Variants in ZBTB8OS observed in about 807,000 individuals in gnomAD.
ZBTB8OS encodes tRNA-splicing ligase-activating factor archease.
A neutral mutation model predicts 29.3 loss-of-function variants in ZBTB8OS; 16 were observed. That is an observed-to-expected ratio of 0.55 (90% CI 0.37 to 0.83). ZBTB8OS has a LOEUF of 0.83. ZBTB8OS is among the 40% of genes least tolerant of loss of function. The pLI is 0.00. For synonymous variants in ZBTB8OS, 70 were observed against 64.6 expected, an observed-to-expected ratio of 1.08 and a Z score of -0.40; for missense variants, 160 against 196.9, an observed-to-expected ratio of 0.81 and a Z score of 1.12.
chr1:32,647,453 GAAAA>G (rs1646943061), intron 1 of ZBTB8OS, among the ~76,000 whole-genome samples: 1 of 137,422 alleles, frequency 7.3e-6, no homozygotes, highest in Non-Finnish European at 1.6e-5. Context: ...AAAAAAAAAA[GAAAA>G]GAAAGAAAGG....
chr1:32,628,867 C>T (rs1290949464), intron 5 of ZBTB8OS, among the ~76,000 whole-genome samples: 2 of 151,360 alleles, frequency 1.3e-5, no homozygotes, highest in East Asian at 1.9e-4. Context: ...ATCTGGGAGG[C>T]GGACATTGCA....
chr1:32,649,550 AAACC>A (rs1345097189), intron 1 of ZBTB8OS, among the ~76,000 whole-genome samples: 4 of 152,024 alleles, frequency 2.6e-5, no homozygotes, highest in African/African-American at 9.7e-5. Flanking sequence ...ATAAATGGCA[AAACC>A]AGCTGGGCAC....
At chr1:32,622,052 T>C in intron 6 of ZBTB8OS, 104 bp from the exon 7 acceptor site, 1 of 807,636 alleles carries the variant, frequency 1.2e-6, no homozygotes, top group Non-Finnish European at 1.9e-6. Flanking sequence ...AATTTTAGTA[T>C]TTTGAAAATG....
Position 32,634,754 on chromosome 1 carries a change from C to T in ZBTB8OS, c.122+14G>A. The T allele has an allele frequency of 1.9e-6, 3 of 1,613,994 alleles. No homozygotes were observed. In the South Asian group the frequency reaches 3.3e-5, roughly 18 times the overall value. The stretch of plus-strand genomic sequence containing the variant: ...TGACGTGGTTTCAAAGGAATGAACT[C>T]CCGCTATACTCACTGGACATCTGCT... On this transcript the variant is annotated intron_variant, in intron 2 of 6. Transcript: ENST00000468695.
intron 2 of ZBTB8OS, chr1:32,634,555 G>A (rs1041925336): frequency 3.4e-6 from 2 of 583,708 alleles, no homozygotes; most frequent in Admixed American, 2.9e-5. Context: ...TTTGAGATGG[G>A]GTCTCTCTGT....
chr1:32,644,437 G>A (rs992322417), intron 1 of ZBTB8OS, among the ~76,000 whole-genome samples: 3 of 151,642 alleles, frequency 2.0e-5, no homozygotes, highest in Admixed American at 1.3e-4. Context: ...TAAAAACAGA[G>A]TTAGTAAATA....
At chr1:32,641,742 T>G in intron 1 of ZBTB8OS, among the ~76,000 whole-genome samples, 2 of 147,104 alleles carry the variant, frequency 1.4e-5, no homozygotes, top group African/African-American at 2.5e-5. Flanking sequence ...TGAAACCCCG[T>G]CTCTACTAAA....
intron 1 of ZBTB8OS, among the ~76,000 whole-genome samples, chr1:32,645,635 AG>A (rs1001638304): frequency 6.6e-6 from 1 of 152,142 alleles, no homozygotes; most frequent in African/African-American, 2.4e-5. Flanking sequence ...TAGCTCCAAA[AG>A]ATAGAGCCCA....
chr1:32,630,758 C>T (rs186831996), intron 5 of ZBTB8OS, among the ~76,000 whole-genome samples: 1 of 152,038 alleles, frequency 6.6e-6, no homozygotes, highest in East Asian at 1.9e-4. Context: ...AGCCTGTAAT[C>T]TCGACACTTT....
intron 2 of ZBTB8OS, chr1:32,634,504 C>T (rs1271295517): frequency 9.5e-6 from 5 of 528,388 alleles, no homozygotes; most frequent in Admixed American, 3.1e-5. Flanking sequence ...GGATTACAGG[C>T]GTTGAGCCAC....
chr1:32,640,660 C>T (rs1646322746), intron 1 of ZBTB8OS, among the ~76,000 whole-genome samples: 1 of 152,030 alleles, frequency 6.6e-6, no homozygotes, highest in African/African-American at 2.4e-5. Context: ...GGACTACAGA[C>T]ACGCACCACC....
intron 2 of ZBTB8OS, 165 bp downstream of exon 2, chr1:32,634,603 C>T: frequency 1.3e-6 from 1 of 786,320 alleles, no homozygotes; most frequent in South Asian, 1.6e-5. Flanking sequence ...TCTCGGCTCA[C>T]TGAGCCACTG....
intron 1 of ZBTB8OS, among the ~76,000 whole-genome samples, chr1:32,637,776 T>C (rs1646094632): frequency 6.6e-6 from 1 of 152,176 alleles, no homozygotes; most frequent in African/African-American, 2.4e-5. Flanking sequence ...TATGCATCTG[T>C]TTATAAAAAC....
At chr1:32,629,576 C>G (rs151028185) in intron 5 of ZBTB8OS, among the ~76,000 whole-genome samples, 1 of 152,146 alleles carries the variant, frequency 6.6e-6, no homozygotes, top group East Asian at 1.9e-4. Context: ...CCAAAAATAT[C>G]CATGATCTGT....
chr1:32,646,071 G>A (rs1015643639), intron 1 of ZBTB8OS, among the ~76,000 whole-genome samples: 2 of 152,138 alleles, frequency 1.3e-5, no homozygotes, highest in Non-Finnish European at 2.9e-5. Context: ...TGTACTCCCA[G>A]CACTTTGGCA....
intron 1 of ZBTB8OS, among the ~76,000 whole-genome samples, chr1:32,645,909 C>T (rs980231084): frequency 1.3e-5 from 2 of 152,144 alleles, no homozygotes; most frequent in African/African-American, 4.8e-5. Context: ...TAGGGAACCC[C>T]AGGAATACAG....
chr1:32,631,975 C>T, intron 4 of ZBTB8OS, 96 bp from the exon 5 acceptor site: 3 of 243,294 alleles, frequency 1.2e-5, no homozygotes, highest in Non-Finnish European at 2.5e-5. Context: ...GGACCATCTA[C>T]TAAAAATTGG....
At chr1:32,640,124 T>C (rs1295490932) in intron 1 of ZBTB8OS, 1 of 152,100 alleles carries the variant, frequency 6.6e-6, no homozygotes, top group Non-Finnish European at 1.5e-5. Flanking sequence ...TTTGAGACAG[T>C]CTTGCTCTGT....
intron 5 of ZBTB8OS, among the ~76,000 whole-genome samples, chr1:32,631,566 C>G (rs1247336895): frequency 6.6e-6 from 1 of 152,114 alleles, no homozygotes; most frequent in African/African-American, 2.4e-5. Context: ...TGTTTCCCAT[C>G]CACTAAGCTG....
Sources: gnomAD v4.1 joint callset for allele counts (sites outside exome capture counted in the v4.1 genomes callset) on GRCh38, gnomAD v4.1.1 for gene constraint, MANE v1.5 for transcripts, NCBI Gene and HGNC (gene_info 2026-07-23, HGNC 2026-07-21) for gene names.